Variants in MARCHF1 observed in about 807,000 individuals in gnomAD.
MARCHF1 encodes membrane associated ring-CH-type finger 1, also known as E3 ubiquitin-protein ligase MARCHF1.
In MARCHF1, 40 loss-of-function variants were observed where a neutral mutation model predicts 54.2. The observed-to-expected ratio is 0.74, with a 90% CI of 0.57 to 0.96. The LOEUF is 0.96. MARCHF1 is among the 40% of genes least tolerant of loss of function. The probability of loss-of-function intolerance (pLI) is 0.00; values close to 1 mark genes in which losing one functional copy is unlikely to be tolerated. For missense variants in MARCHF1, 586 were observed against 656.5 expected, an observed-to-expected ratio of 0.89 and a Z score of 1.17; for synonymous variants, 236 against 236.3, an observed-to-expected ratio of 1.00 and a Z score of 0.01.
intron 2 of MARCHF1, among the ~76,000 whole-genome samples, chr4:164,047,377 G>A (rs1245994075): frequency 6.6e-6 from 1 of 152,166 alleles, no homozygotes. Context: ...GCCCAGACCA[G>A]CCAACATCTT....
At chr4:163,733,876 C>T (rs939014760) in intron 4 of MARCHF1, among the ~76,000 whole-genome samples, 3 of 152,084 alleles carry the variant, frequency 2.0e-5, no homozygotes, top group Non-Finnish European at 4.4e-5. Flanking sequence ...AGTACTAAAA[C>T]ACTGAGCAAA....
At chr4:163,942,890 C>T (rs1751941752) in intron 3 of MARCHF1, among the ~76,000 whole-genome samples, 4 of 151,978 alleles carry the variant, frequency 2.6e-5, no homozygotes, top group Admixed American at 2.6e-4. Flanking sequence ...CCAATATCCC[C>T]CTTCAATGTG....
chr4:164,080,824 G>GA (rs778216867), intron 2 of MARCHF1, among the ~76,000 whole-genome samples: 38 of 151,936 alleles, frequency 2.5e-4, no homozygotes, highest in Non-Finnish European at 5.1e-4. Context: ...CTTTCAGGGG[G>GA]AAAAATAGAA....
chr4:163,845,516 C>G (rs1417148992), intron 4 of MARCHF1, among the ~76,000 whole-genome samples: 1 of 150,114 alleles, frequency 6.7e-6, no homozygotes, highest in African/African-American at 2.5e-5. Flanking sequence ...TAAGGCCTCT[C>G]CTATTTGAGT....
At chr4:164,214,101 A>C (rs915265024) in intron 1 of MARCHF1, among the ~76,000 whole-genome samples, 2 of 152,026 alleles carry the variant, frequency 1.3e-5, no homozygotes, top group Non-Finnish European at 2.9e-5. Flanking sequence ...CGTCCATGTA[A>C]ATATATATAT....
intron 4 of MARCHF1, among the ~76,000 whole-genome samples, chr4:163,734,980 A>G (rs1470690385): frequency 2.6e-5 from 4 of 152,166 alleles, no homozygotes; most frequent in Non-Finnish European, 4.4e-5. Flanking sequence ...GCTCCTTGCT[A>G]GTGTTTTATA....
intron 4 of MARCHF1, among the ~76,000 whole-genome samples, chr4:163,848,236 A>C (rs1364043101): frequency 6.6e-6 from 1 of 152,168 alleles, no homozygotes; most frequent in Non-Finnish European, 1.5e-5. Flanking sequence ...CTAGAGCAAC[A>C]AGCATCTCAT....
chr4:164,249,544 T>C (rs755422882), intron 1 of MARCHF1, among the ~76,000 whole-genome samples: 1 of 152,012 alleles, frequency 6.6e-6, no homozygotes, highest in Non-Finnish European at 1.5e-5. Flanking sequence ...ATCTAAAACA[T>C]TGTAAATTGA....
intron 4 of MARCHF1, among the ~76,000 whole-genome samples, chr4:163,704,036 A>T (rs1162338016): frequency 6.6e-6 from 1 of 151,964 alleles, no homozygotes; most frequent in African/African-American, 2.4e-5. Flanking sequence ...ACATGTGTGA[A>T]TCTAGGTATA....
intron 4 of MARCHF1, among the ~76,000 whole-genome samples, chr4:163,814,250 TGG>T (rs2111023117): frequency 6.6e-6 from 1 of 152,214 alleles, no homozygotes; most frequent in Non-Finnish European, 1.5e-5. Context: ...TCTGGGCTTC[TGG>T]AGCTTGGGGC....
At chr4:163,685,670 T>C (rs1190801746) in intron 5 of MARCHF1, among the ~76,000 whole-genome samples, 1 of 152,114 alleles carries the variant, frequency 6.6e-6, no homozygotes, top group East Asian at 1.9e-4. Context: ...GCCAGGCTGG[T>C]CTCAAACTTC....
chr4:164,348,918 A>G (rs1730198111), intron 1 of MARCHF1, among the ~76,000 whole-genome samples: 1 of 152,190 alleles, frequency 6.6e-6, no homozygotes, highest in South Asian at 2.1e-4. Flanking sequence ...AGAGTGTCTC[A>G]TACTCTAGTG....
chr4:164,064,495 G>T (rs113344906), intron 2 of MARCHF1, among the ~76,000 whole-genome samples: 5,233 of 152,212 alleles, frequency 0.034, 182 homozygotes, highest in African/African-American at 0.089. Context: ...TTTGCATGTC[G>T]ATTTTGTATC....
intron 4 of MARCHF1, among the ~76,000 whole-genome samples, chr4:163,759,107 C>CT (rs76996625): frequency 8.1e-4 from 120 of 147,610 alleles, no homozygotes; most frequent in African/African-American, 2.1e-3. Flanking sequence ...TTAATATTCA[C>CT]TTTTTTTTTT....
rs549391581 is a variant in MARCHF1 at position 163,945,091 on chromosome 4, T to A, written c.-39+43410A>T. 2.6e-5 allele frequency among the ~76,000 whole-genome samples: 4 copies of A among 152,300 alleles called. No homozygotes were observed. In the East Asian group the frequency reaches 7.7e-4, roughly 29 times the overall value. The stretch of plus-strand genomic sequence containing the variant: ...ACCCACAAGAGCTACATCTCAGGCA[T>A]ATGAGATGCTCCAATAATTCCTATG... On this transcript the variant is annotated intron_variant, in intron 3 of 9. Coordinates refer to ENST00000514618, the MANE Select transcript of MARCHF1 (RefSeq NM_001394959.1).
At position 163,753,005 on chromosome 4, in the gene MARCHF1, G is replaced by C. The variant is rs1035020453; in HGVS notation, c.112-52142C>G. Among the ~76,000 whole-genome samples the C allele has an allele frequency of 6.6e-5, 10 of 152,026 alleles. 1 individual carries two copies. The East Asian group carries it at 1.9e-3, about 29-fold the overall frequency. On this transcript the variant is annotated intron_variant, in intron 4 of 9. Transcript: ENST00000514618. Reference sequence around the variant, plus strand: ...TTTCTTCAACAGAATGGTATATGAGGCTTTGTTACCATGTATTCTTTTGAA... The same window carrying C: ...TTTCTTCAACAGAATGGTATATGAGCCTTTGTTACCATGTATTCTTTTGAA...
intron 5 of MARCHF1, among the ~76,000 whole-genome samples, chr4:163,673,651 CTAGA>C (rs1488330701): frequency 6.6e-6 from 1 of 152,040 alleles, no homozygotes; most frequent in Non-Finnish European, 1.5e-5. Flanking sequence ...CTGTGATTTA[CTAGA>C]TAAATTAATA....
chr4:164,382,886 C>A (rs74613880), intron 1 of MARCHF1, among the ~76,000 whole-genome samples: 2,171 of 152,218 alleles, frequency 0.014, 58 homozygotes, highest in African/African-American at 0.046. Flanking sequence ...ATTTTGATCT[C>A]AAAAATGTTT....
rs941084876 is a variant in MARCHF1 at position 164,294,012 on chromosome 4, C to A, written c.-323+89858G>T. On this transcript the variant is annotated intron_variant, in intron 1 of 9. Transcript: ENST00000514618. The stretch of plus-strand genomic sequence containing the variant: ...GCCAGTGCGGTTAGAATAAAGCAGG[C>A]AGAGGAAGGTGGAAAGAGCAAACTT... 2.0e-5 allele frequency among the ~76,000 whole-genome samples: 3 copies of A among 152,190 alleles called. No homozygotes were observed. In the South Asian group the frequency reaches 6.2e-4, roughly 32 times the overall value.
Sources: gnomAD v4.1 joint callset for allele counts (sites outside exome capture counted in the v4.1 genomes callset) on GRCh38, gnomAD v4.1.1 for gene constraint, MANE v1.5 for transcripts, NCBI Gene and HGNC (gene_info 2026-07-23, HGNC 2026-07-21) for gene names.